UNK: variants seen among roughly 807,000 people sequenced by gnomAD.
The protein encoded by UNK is RING finger protein unkempt homolog.
Under a neutral mutation model 97.6 loss-of-function variants are expected in UNK, and 32 were observed. That is an observed-to-expected ratio of 0.33 (90% CI 0.25 to 0.44). UNK has a LOEUF of 0.44. Ranked by LOEUF, UNK falls within the 20% of genes least tolerant of loss-of-function variation. The pLI is 1.00. For synonymous variants in UNK, 441 were observed against 461.2 expected, an observed-to-expected ratio of 0.96 and a Z score of 0.56; for missense variants, 771 against 1,098.4, an observed-to-expected ratio of 0.70 and a Z score of 4.21.
chr17:75,820,606 C>A (rs1200271481), intron 13 of UNK, among the ~76,000 whole-genome samples: 2 of 152,202 alleles, frequency 1.3e-5, no homozygotes, highest in African/African-American at 4.8e-5. Flanking sequence ...AGGGCTGGCC[C>A]AGAAGGCTGT....
At chr17:75,820,702 G>A (rs2143823289) in intron 13 of UNK, among the ~76,000 whole-genome samples, 1 of 152,316 alleles carries the variant, frequency 6.6e-6, no homozygotes, top group East Asian at 1.9e-4. Context: ...ACAGAGGCCT[G>A]TGCCACTGCG....
chr17:75,812,814 G>A (rs1005438965), intron 4 of UNK, among the ~76,000 whole-genome samples: 4 of 152,228 alleles, frequency 2.6e-5, no homozygotes, highest in African/African-American at 4.8e-5. Flanking sequence ...GTACATAAGC[G>A]CACATGCAAA....
Position 75,809,769 on chromosome 17 carries a change from A to G in UNK, c.114A>G (p.Lys38=), listed in dbSNP as rs1465976924. The G allele has an allele frequency of 3.7e-6, 6 of 1,608,398 alleles. No homozygotes were observed. Among genetic ancestry groups the G allele is most frequent in the South Asian group, 3.3e-5 (3 of 90,184 alleles). The part of the protein sequence containing the change: ...PEKPQHYTYL[K]EFRTEQCPLF... The stretch of plus-strand genomic sequence containing the variant: ...GGGGCTCTCTCTGCAGGTACCTGAA[A>G]GAATTCCGCACAGAGCAGTGCCCAC... Residue 38 remains lysine, a synonymous_variant, in exon 2 of 16, where the codon AAA becomes AAG. Coordinates refer to ENST00000589666, the MANE Select transcript of UNK (RefSeq NM_001080419.3).
chr17:75,794,385 C>G (rs2061787397), intron 1 of UNK, among the ~76,000 whole-genome samples: 1 of 152,218 alleles, frequency 6.6e-6, no homozygotes, highest in Non-Finnish European at 1.5e-5. Flanking sequence ...GCCTGTAATC[C>G]CAGCATTTTG....
chr17:75,785,255 A>G (rs1348990928), intron 1 of UNK: 5 of 417,980 alleles, frequency 1.2e-5, no homozygotes, highest in Non-Finnish European at 2.1e-5. Context: ...TCCCTAGGCC[A>G]GGCCTTCGAG....
At chr17:75,790,137 C>T (rs933601871) in intron 1 of UNK, among the ~76,000 whole-genome samples, 1 of 151,044 alleles carries the variant, frequency 6.6e-6, no homozygotes, top group East Asian at 2.0e-4. Flanking sequence ...GACTAGACTC[C>T]GTCTCAAACA....
intron 1 of UNK, chr17:75,792,083 A>G (rs1377393180): frequency 2.0e-6 from 2 of 982,918 alleles, no homozygotes; most frequent in Non-Finnish European, 2.4e-6. Context: ...GAGCCCTGCC[A>G]CAGCCTGAGC....
chr17:75,811,537 C>G (rs2061968961), intron 2 of UNK, among the ~76,000 whole-genome samples: 1 of 152,230 alleles, frequency 6.6e-6, no homozygotes. Flanking sequence ...GCCTGGGCAG[C>G]ATTTGTTCTC....
intron 1 of UNK, among the ~76,000 whole-genome samples, chr17:75,789,874 A>G (rs2061747500): frequency 6.6e-6 from 1 of 152,096 alleles, no homozygotes; most frequent in Non-Finnish European, 1.5e-5. Context: ...AGGGCGTAGT[A>G]GCTCACATCT....
Position 75,816,836 on chromosome 17 carries a change from T to C in UNK, c.1028T>C (p.Val343Ala). The change falls in exon 8 of 16, where the codon GTC becomes GCC. Residue 343 changes from valine (V) to alanine (A), a missense_variant. Physicochemically the swap from Val to Ala is moderately conservative, Grantham distance 64 (BLOSUM62 0). Around this residue, in one of 5 missense-constraint regions of UNK, gnomAD observed 192 missense variants for 202.4 expected, o/e 0.95. Coordinates refer to ENST00000589666, the MANE Select transcript of UNK (RefSeq NM_001080419.3). The surrounding 1 kb of genome is among the most constrained non-coding windows in gnomAD (Gnocchi z 4.0). ...TCCAGCCCCACCCAGCCAGGTCCTG[T>C]CCTGTACATGCCATCTGCCGCCGGA... ...AVSSPTQPGP[V>A]LYMPSAAGDS... 1 of 1,607,768 alleles carries C rather than the reference T, an allele frequency of 6.2e-7. No homozygotes were observed. The highest frequency in any genetic ancestry group is 8.5e-7 in the Non-Finnish European group (1 of 1,179,382).
chr17:75,814,653 G>A (rs1359924875), intron 6 of UNK, among the ~76,000 whole-genome samples: 1 of 152,166 alleles, frequency 6.6e-6, no homozygotes, highest in East Asian at 1.9e-4. Context: ...GGTCTTGTCT[G>A]GGGTTCAGAG....
chr17:75,785,461 G>C (rs2061700523), intron 1 of UNK: 1 of 153,594 alleles, frequency 6.5e-6, no homozygotes, highest in Admixed American at 6.5e-5. Context: ...AGGCTCGTAG[G>C]TTGTCCACGA....
intron 1 of UNK, among the ~76,000 whole-genome samples, chr17:75,802,629 C>T (rs1246973362): frequency 6.6e-6 from 1 of 152,124 alleles, no homozygotes; most frequent in Non-Finnish European, 1.5e-5. Flanking sequence ...TTGCAGGCTA[C>T]AACTGAAGCA....
At chr17:75,814,012 G>C (rs1461973513) in intron 6 of UNK, 134 bp downstream of exon 6, 3 of 756,296 alleles carry the variant, frequency 4.0e-6, no homozygotes, top group Non-Finnish European at 6.3e-6. Context: ...GCTCTCCCCT[G>C]GCAGTGCCTA....
At position 75,818,087 on chromosome 17, in the gene UNK, G is replaced by A. The variant is rs1347221397; in HGVS notation, c.1306-16G>A. The A allele has an allele frequency of 6.2e-7, 1 of 1,612,838 alleles. No individual in the cohort carries two copies. ...CCAGCACCACATTCATCCACTCCCT[G>A]AATTTTCTCTCTCAGGCCAAATTAA... On this transcript the variant is annotated splice_polypyrimidine_tract_variant and intron_variant, in intron 9 of 15. Coordinates refer to ENST00000589666, the MANE Select transcript of UNK (RefSeq NM_001080419.3). The surrounding 1 kb of genome is among the most constrained non-coding windows in gnomAD (Gnocchi z 5.1).
intron 1 of UNK, 188 bp downstream of exon 1, chr17:75,785,172 G>C (rs564613562): frequency 1.2e-5 from 6 of 518,678 alleles, no homozygotes; most frequent in Non-Finnish European, 2.0e-5. Flanking sequence ...ACCTCTGGTC[G>C]GGCTGTGGGG....
rs1465886749 is a variant in UNK at position 75,813,747 on chromosome 17, C to G, written c.759-14C>G. Reference sequence around the variant, plus strand: ...TCTCCTTTCTCCATCTGACCCCACCCTCTTGTTGGCCAGGTCGTCTCCATG... The same window carrying G: ...TCTCCTTTCTCCATCTGACCCCACCGTCTTGTTGGCCAGGTCGTCTCCATG... On this transcript the variant is annotated splice_polypyrimidine_tract_variant and intron_variant, in intron 5 of 15. Transcript: ENST00000589666. 1 of 1,563,866 alleles carries G rather than the reference C, an allele frequency of 6.4e-7. No individual in the cohort carries two copies. The highest frequency in any genetic ancestry group is 8.7e-7 in the Non-Finnish European group (1 of 1,153,280).
chr17:75,796,567 T>G (rs2061807613), intron 1 of UNK, among the ~76,000 whole-genome samples: 1 of 152,162 alleles, frequency 6.6e-6, no homozygotes, highest in Non-Finnish European at 1.5e-5. Context: ...CCTCAAGCAG[T>G]CGTCCTGCCT....
chr17:75,824,037 G>C lies in UNK; in HGVS notation c.2278-225G>C, dbSNP rs926213393. Among the ~76,000 whole-genome samples the C allele has an allele frequency of 1.3e-5, 2 of 151,954 alleles. No individual in the cohort carries two copies. The highest frequency in any genetic ancestry group is 1.3e-4 in the Admixed American group (2 of 15,272). Reference sequence around the variant, plus strand: ...GGATTACAAGGTCAAATGAGACTGGGCGAAGCCTCTCTGAGGGGTGGGTCT... The same window carrying C: ...GGATTACAAGGTCAAATGAGACTGGCCGAAGCCTCTCTGAGGGGTGGGTCT... On this transcript the variant is annotated intron_variant, in intron 15 of 15. Coordinates refer to ENST00000589666, the MANE Select transcript of UNK (RefSeq NM_001080419.3). This position sits in a 1 kb window ranked among gnomAD's most constrained non-coding sequence, Gnocchi z 4.9.
Sources: gnomAD v4.1 joint callset for allele counts (sites outside exome capture counted in the v4.1 genomes callset) on GRCh38, gnomAD v4.1.1 for gene constraint, gnomAD v4.1.1 regional missense constraint, Gnocchi (gnomAD v3.1) non-coding constraint, MANE v1.5 for transcripts, NCBI Gene and HGNC (gene_info 2026-07-23, HGNC 2026-07-21) for gene names.